The following SMARCA5 variants were observed in gnomAD, a reference collection of about 807,000 sequenced individuals.
SMARCA5 encodes the protein SNF2 related chromatin remodeling ATPase 5.
In SMARCA5, 18 loss-of-function variants were observed where a neutral mutation model predicts 140.4. The observed-to-expected ratio is 0.13, with a 90% CI of 0.09 to 0.19. The LOEUF (loss-of-function observed/expected upper bound fraction) is 0.19, where lower values mean the gene tolerates loss of function less well. Ranked by LOEUF, SMARCA5 falls within the 10% of genes least tolerant of loss-of-function variation. The pLI is 1.00. For synonymous variants in SMARCA5, 449 were observed against 419.6 expected (o/e 1.07, Z -0.86); for missense variants, 606 against 1,276.8 (o/e 0.47, Z 8.01).
intron 16 of SMARCA5, 121 bp downstream of exon 16, chr4:143,544,093 C>A: frequency 1.8e-6 from 1 of 569,790 alleles, no homozygotes; most frequent in Non-Finnish European, 2.8e-6. Flanking sequence ...TGCTTATTCA[C>A]ATCTGAATAT....
intron 9 of SMARCA5, 115 bp from the exon 10 acceptor site, chr4:143,534,740 T>G (rs1266663524): frequency 1.5e-6 from 1 of 664,856 alleles, no homozygotes; most frequent in African/African-American, 1.9e-5. Context: ...AGAAATCACT[T>G]GATACTCACG....
chr4:143,546,792 A>G lies in SMARCA5; in HGVS notation c.2537A>G (p.Asn846Ser). ...KLLTQGFTNW[N>S]KRDFNQFIKA... The stretch of plus-strand genomic sequence containing the variant: ...CCTGTGAAGGGATTTACCAATTGGA[A>G]TAAGAGAGATTTTAACCAGTTTATC... Residue 846 changes from asparagine (N) to serine (S), a missense_variant, in exon 20 of 24, where the codon AAT becomes AGT. Around this residue, in one of 10 missense-constraint regions of SMARCA5, gnomAD observed 121 missense variants for 227.1 expected, o/e 0.53. Coordinates refer to ENST00000283131, the MANE Select transcript of SMARCA5 (RefSeq NM_003601.4). 1 of 1,611,508 alleles carries G rather than the reference A, an allele frequency of 6.2e-7. No homozygotes were observed. Among genetic ancestry groups the G allele is most frequent in the African/African-American group, 1.3e-5 (1 of 74,952 alleles).
In SMARCA5 at chr4:143,555,561, A is replaced by C; in HGVS notation, c.*2377A>C. ...TTTAATAATCTGATCATGATACTGA[A>C]TAAATGTCTTTTTTTTTTTTTAACA... is the stretch of plus-strand genomic sequence containing the variant. On this transcript the variant is annotated 3_prime_UTR_variant, in exon 24 of 24. Transcript: ENST00000283131. 1 of 328,874 alleles carries C rather than the reference A, an allele frequency of 3.0e-6. No homozygotes were observed. The allele number at this position is 328,874 out of a possible 1,614,324, so 20.4% of individuals were successfully genotyped here. A position where few individuals can be genotyped will look rare whatever the true frequency, so the allele number is the denominator to read the frequency against.
chr4:143,528,731 G>A lies in SMARCA5; in HGVS notation c.1089+17G>A, dbSNP rs774660798. ...TCAGCAGATGTAAGTATTTCCTGGT[G>A]CTTTCTGGTTAATAATAATATTTTG... On this transcript the variant is annotated intron_variant, in intron 8 of 23. Transcript: ENST00000283131. 3 of 1,601,182 alleles carry A rather than the reference G, an allele frequency of 1.9e-6. No individual in the cohort carries two copies. In the South Asian group the frequency reaches 3.4e-5, roughly 18 times the overall value.
chr4:143,513,876 C>T lies in SMARCA5; in HGVS notation c.-49C>T, dbSNP rs746566094. The T allele has an allele frequency of 2.3e-5, 35 of 1,526,382 alleles. No individual in the cohort carries two copies. The highest frequency in any genetic ancestry group is 1.2e-4 in the Admixed American group (6 of 50,582). 94.6% of individuals were successfully genotyped at this position (1,526,382 alleles called of 1,614,324 possible). On this transcript the variant is annotated 5_prime_UTR_variant, in exon 1 of 24. Transcript: ENST00000283131. ...CAGGCCTAGGCCTCCCCGTCCATCC[C>T]CGCCGGACTCGGGCCTCTGGCAGCA...
At chr4:143,521,355 G>A (rs1163125669) in intron 2 of SMARCA5, 74 bp from the exon 3 acceptor site, 8 of 989,328 alleles carry the variant, frequency 8.1e-6, no homozygotes, top group African/African-American at 1.6e-5. Context: ...TTGTATGGAG[G>A]CATGCTGAAA....
At chr4:143,546,142 C>A in intron 19 of SMARCA5, 95 bp downstream of exon 19, 1 of 914,468 alleles carries the variant, frequency 1.1e-6, no homozygotes, top group Non-Finnish European at 1.6e-6. Flanking sequence ...CAAGTTTCTG[C>A]TTTTAAAGAT....
At chr4:143,516,261 C>T (rs746272643) in intron 1 of SMARCA5, among the ~76,000 whole-genome samples, 8 of 143,382 alleles carry the variant, frequency 5.6e-5, no homozygotes, top group Non-Finnish European at 9.0e-5. Flanking sequence ...AATAGCCTTC[C>T]TATGTATTCA....
chr4:143,543,198 T>C (rs1156638063), intron 14 of SMARCA5, among the ~76,000 whole-genome samples: 1 of 152,156 alleles, frequency 6.6e-6, no homozygotes, highest in African/African-American at 2.4e-5. Flanking sequence ...CTTCCATCTG[T>C]TGAAACTTGT....
chr4:143,546,927 C>T lies in SMARCA5; in HGVS notation c.2653+19C>T. On this transcript the variant is annotated intron_variant, in intron 20 of 23. Transcript: ENST00000283131. ...TATTCAGGTAATTCTTTTAAGCAGG[C>T]TGTTGGAGTTTAGTAAGAGCTGTTG... 2 of 1,609,664 alleles carry T rather than the reference C, an allele frequency of 1.2e-6. No homozygotes were observed. The highest frequency in any genetic ancestry group is 1.1e-5 in the South Asian group (1 of 90,496).
Position 143,543,504 on chromosome 4 carries a change from T to C in SMARCA5, c.1904-5T>C. On this transcript the variant is annotated splice_polypyrimidine_tract_variant and splice_region_variant and intron_variant, in intron 14 of 23. Transcript: ENST00000283131. ...TTAACATTATACAACACAATCTTTT[T>C]TCAGGGAGGCTTGTGGATCAGAATC... The C allele has an allele frequency of 6.2e-7, 1 of 1,611,830 alleles. No homozygotes were observed. Among genetic ancestry groups the C allele is most frequent in the South Asian group, 1.1e-5 (1 of 90,764 alleles).
chr4:143,543,465 TAA>T, intron 14 of SMARCA5, 42 bp from the exon 15 acceptor site: 3 of 1,524,156 alleles, frequency 2.0e-6, no homozygotes, highest in Non-Finnish European at 2.7e-6. Context: ...TCCAGTAAAA[TAA>T]AGTCTGTTCA....
chr4:143,553,067 A>G, intron 23 of SMARCA5, 52 bp from the exon 24 acceptor site: 2 of 1,351,026 alleles, frequency 1.5e-6, no homozygotes, highest in Admixed American at 3.4e-5. Flanking sequence ...CTGCAACTAT[A>G]TTTCATGTTT....
At chr4:143,529,411 T>G (rs2149819628) in intron 8 of SMARCA5, among the ~76,000 whole-genome samples, 1 of 152,348 alleles carries the variant, frequency 6.6e-6, no homozygotes, top group Middle Eastern at 3.4e-3. Context: ...TGCTTATGTT[T>G]TAAGTCCCAA....
rs763701785 is a variant in SMARCA5, at chr4:143,534,857, T to C, written c.1161T>C (p.Val387=). 6.2e-7 allele frequency: 1 copy of C among 1,610,838 alleles called. No homozygotes were observed. The highest frequency in any genetic ancestry group is 1.7e-5 in the Admixed American group (1 of 59,496). ...TGTTTATTTTTGTCCTTTTTAAGGT[T>C]TTGCGTCCATTCCTCCTTCGTCGAA... ...DQKLVERLHM[V]LRPFLLRRIK... The change falls in exon 10 of 24, where the codon GTT becomes GTC. Residue 387 remains valine, a splice_region_variant and synonymous_variant. Transcript: ENST00000283131.
intron 16 of SMARCA5, 26 bp from the exon 17 acceptor site, chr4:143,544,711 G>A (rs1360614320): frequency 1.6e-6 from 2 of 1,270,748 alleles, no homozygotes. Flanking sequence ...AAAAGTTGGT[G>A]ATTTGAGTTG....
At chr4:143,550,188 G>GTGTT (rs1298569094) in intron 23 of SMARCA5, 84 bp downstream of exon 23, 1 of 650,708 alleles carries the variant, frequency 1.5e-6, no homozygotes, top group Non-Finnish European at 2.5e-6. Context: ...TGTCATTGAT[G>GTGTT]TGTTAGTCCC....
At position 143,549,882 on chromosome 4, in the gene SMARCA5, CAG is replaced by C. The variant is rs748639727; in HGVS notation, c.2986-114_2986-113del. ...AAAATCAGTTGTTTTTTTTTTAAAT[CAG>C]GGGTGTATTAGTGGTTTTATATATT... is the stretch of plus-strand genomic sequence containing the variant. On this transcript the variant is annotated intron_variant, in intron 22 of 23. Transcript: ENST00000283131. The C allele has an allele frequency of 1.4e-4, 74 of 535,790 alleles. 1 individual carries two copies. The highest frequency in any genetic ancestry group is 5.0e-4 in the South Asian group (26 of 51,980). The allele number at this position is 535,790 out of a possible 1,614,324, so 33.2% of individuals were successfully genotyped here.
At chr4:143,530,360 C>A in intron 8 of SMARCA5, 98 bp from the exon 9 acceptor site, 1 of 716,328 alleles carries the variant, frequency 1.4e-6, no homozygotes, top group Non-Finnish European at 2.2e-6. Flanking sequence ...GGTTACAATT[C>A]AAATTACTAA....
Sources: allele counts gnomAD v4.1 joint callset (sites outside exome capture counted in the v4.1 genomes callset), GRCh38; gene constraint gnomAD v4.1.1; regional missense constraint gnomAD v4.1.1; transcripts MANE v1.5; gene names NCBI Gene and HGNC (gene_info 2026-07-23, HGNC 2026-07-21).